Variants in FBXO31 observed in about 807,000 individuals in gnomAD.
The protein encoded by FBXO31 is F-box protein 31, also known as F-box only protein 31.
FBXO31 carries 24 observed loss-of-function variants against 54.4 expected under a neutral mutation model. That is an observed-to-expected ratio of 0.44 (90% CI 0.32 to 0.62). The LOEUF is 0.62. Ranked by LOEUF, FBXO31 falls within the 20% of genes least tolerant of loss-of-function variation. The pLI is 0.05. For synonymous variants in FBXO31, 388 were observed against 335.6 expected (o/e 1.16, Z -1.71); for missense variants, 665 against 787.1 (o/e 0.84, Z 1.86).
intron 5 of FBXO31, among the ~76,000 whole-genome samples, chr16:87,337,757 A>G (rs1905077561): frequency 6.6e-6 from 1 of 152,048 alleles, no homozygotes; most frequent in Non-Finnish European, 1.5e-5. Flanking sequence ...CACACACAAG[A>G]TCATTCAAGA....
chr16:87,351,137 A>T (rs1271890120), intron 2 of FBXO31, among the ~76,000 whole-genome samples: 2 of 152,254 alleles, frequency 1.3e-5, no homozygotes, highest in African/African-American at 4.8e-5. Context: ...GTGGAATCGC[A>T]AAGCCTGTGT....
At chr16:87,351,836 T>C (rs924316429) in intron 2 of FBXO31, among the ~76,000 whole-genome samples, 3 of 152,080 alleles carry the variant, frequency 2.0e-5, no homozygotes, top group Admixed American at 6.6e-5. Context: ...GCCACTGCAC[T>C]CCAGCCTGGG....
In FBXO31 at chr16:87,331,460, C is replaced by A. The variant is rs765422663; in HGVS notation, c.1448G>T (p.Arg483Leu). 1 of 1,612,874 alleles carries A rather than the reference C, an allele frequency of 6.2e-7. No individual in the cohort carries two copies. Among genetic ancestry groups the A allele is most frequent in the Admixed American group, 1.7e-5 (1 of 59,984 alleles). The change falls in exon 9 of 9, where the codon CGC (arginine) becomes CTC (leucine). Residue 483 changes from arginine (R) to leucine (L), a missense_variant. By Grantham distance (102) the Arg-to-Leu change is moderately radical. Coordinates refer to ENST00000311635, the MANE Select transcript of FBXO31 (RefSeq NM_024735.5). Reference sequence around the variant, plus strand: ...GAAGAGGATGAAGACCCCGGGGGTGCGTTCAGGGCTGGTGAAGCCGTGGCC... The same window carrying A: ...GAAGAGGATGAAGACCCCGGGGGTGAGTTCAGGGCTGGTGAAGCCGTGGCC... The part of the protein sequence containing the change: ...IAGHGFTSPE[R>L]TPGVFILFDE...
chr16:87,363,492 G>T (rs144983586), intron 1 of FBXO31, among the ~76,000 whole-genome samples: 2 of 152,364 alleles, frequency 1.3e-5, no homozygotes, highest in East Asian at 3.9e-4. Flanking sequence ...TGCCAAGGAG[G>T]ACCAAGGACT....
intron 1 of FBXO31, among the ~76,000 whole-genome samples, chr16:87,361,045 C>G (rs1906110802): frequency 6.6e-6 from 1 of 152,210 alleles, no homozygotes; most frequent in African/African-American, 2.4e-5. Flanking sequence ...AAGCAAAATC[C>G]CAGGTCCTCC....
chr16:87,378,923 C>T (rs1384437626), intron 1 of FBXO31, among the ~76,000 whole-genome samples: 1 of 148,620 alleles, frequency 6.7e-6, no homozygotes, highest in Admixed American at 6.8e-5. Flanking sequence ...GATGGCGCCA[C>T]TGCACTCCAG....
At chr16:87,353,739 T>A (rs981130516) in intron 2 of FBXO31, among the ~76,000 whole-genome samples, 1 of 151,402 alleles carries the variant, frequency 6.6e-6, no homozygotes, top group Admixed American at 6.6e-5. Context: ...ACACCTTGTC[T>A]TGAACCTGTG....
At chr16:87,341,067 G>T (rs1199092210) in intron 5 of FBXO31, among the ~76,000 whole-genome samples, 1 of 151,984 alleles carries the variant, frequency 6.6e-6, no homozygotes, top group Non-Finnish European at 1.5e-5. Context: ...GTCTCACTCA[G>T]AATAAGGGAA....
At chr16:87,343,125 G>A (rs528745452) in intron 4 of FBXO31, among the ~76,000 whole-genome samples, 174 bp from the exon 5 acceptor site, 15 of 152,344 alleles carry the variant, frequency 9.8e-5, no homozygotes, top group African/African-American at 3.6e-4. Context: ...GTCTCCCTGA[G>A]CAACACTCCC....
intron 1 of FBXO31, among the ~76,000 whole-genome samples, chr16:87,381,520 C>G (rs1907076310): frequency 6.6e-6 from 1 of 152,236 alleles, no homozygotes; most frequent in Admixed American, 6.5e-5. Context: ...AAACACGAGC[C>G]TGGGCTGGGG....
chr16:87,374,666 G>A (rs1906746246), intron 1 of FBXO31, among the ~76,000 whole-genome samples: 1 of 152,170 alleles, frequency 6.6e-6, no homozygotes, highest in South Asian at 2.1e-4. Context: ...ACCATTCACG[G>A]AGAAAACGGC....
At chr16:87,361,205 T>C (rs1022562920) in intron 1 of FBXO31, among the ~76,000 whole-genome samples, 1 of 152,222 alleles carries the variant, frequency 6.6e-6, no homozygotes, top group Non-Finnish European at 1.5e-5. Context: ...ATGCTGGGCA[T>C]CACCTCACTG....
At chr16:87,339,518 C>A (rs919839287) in intron 5 of FBXO31, among the ~76,000 whole-genome samples, 1 of 152,218 alleles carries the variant, frequency 6.6e-6, no homozygotes, top group South Asian at 2.1e-4. Context: ...AGAGGAGAGG[C>A]TGCTCTCACT....
At chr16:87,387,953 C>G (rs77814909), upstream of FBXO31, among the ~76,000 whole-genome samples, 167 of 152,324 alleles carry the variant, frequency 1.1e-3, 1 homozygote, top group East Asian at 0.023. Flanking sequence ...AAACTTTGAA[C>G]AAGAGGATTG....
At chr16:87,371,556 C>A (rs1336958739) in intron 1 of FBXO31, among the ~76,000 whole-genome samples, 2 of 152,268 alleles carry the variant, frequency 1.3e-5, no homozygotes, top group Non-Finnish European at 2.9e-5. Flanking sequence ...TTCTCTCCAT[C>A]ACCCCGGTGG....
chr16:87,349,908 C>CA (rs11305127), intron 2 of FBXO31, among the ~76,000 whole-genome samples: 27,992 of 142,896 alleles, frequency 0.2, 3,152 homozygotes, highest in South Asian at 0.6. Flanking sequence ...GACCCTATCT[C>CA]AAAAAAAAAA....
In FBXO31 at chr16:87,331,137, A is replaced by G. The variant is rs1567611720; in HGVS notation, c.*151T>C. 2 of 662,822 alleles carry G rather than the reference A, an allele frequency of 3.0e-6. No individual in the cohort carries two copies. Among genetic ancestry groups the G allele is most frequent in the East Asian group, 2.7e-5 (1 of 36,378 alleles). The allele number at this position is 662,822 out of a possible 1,614,324, so 41.1% of individuals were successfully genotyped here. On this transcript the variant is annotated 3_prime_UTR_variant, in exon 9 of 9. Transcript: ENST00000311635. ...CAGGTCTATGTCACACTCTCTACAT[A>G]AAGTGCTGGGGGGTGGCTGGACTGG...
rs547491489 is a variant in FBXO31 at position 87,331,301 on chromosome 16, G to A, written c.1607C>T (p.Ser536Phe). The A allele has an allele frequency of 8.7e-6, 14 of 1,613,904 alleles. No individual in the cohort carries two copies. In the South Asian group the frequency reaches 1.5e-4, roughly 18 times the overall value. ...GGATGTGGCCGGTCAGGAGGTGAGG[G>A]ACTGAATGTTCTTGAGCATCTCATC... ...AFDEMLKNIQ[S>F]LTS Residue 536 changes from serine to phenylalanine, a missense_variant, in exon 9 of 9, where the codon TCC becomes TTC. By Grantham distance (155) the Ser-to-Phe change is radical. Transcript: ENST00000311635.
intron 3 of FBXO31, among the ~76,000 whole-genome samples, chr16:87,344,488 G>T (rs1054483067): frequency 3.9e-5 from 6 of 152,306 alleles, no homozygotes; most frequent in African/African-American, 1.4e-4. Context: ...CCCCCTTCTG[G>T]GAGAGCTGGG....
Sources: allele counts gnomAD v4.1 joint callset (sites outside exome capture counted in the v4.1 genomes callset), GRCh38; gene constraint gnomAD v4.1.1; transcripts MANE v1.5; gene names NCBI Gene and HGNC (gene_info 2026-07-23, HGNC 2026-07-21).